MED12L: variants seen among roughly 807,000 people sequenced by gnomAD.
The protein encoded by MED12L is mediator complex subunit 12L.
In MED12L, 60 loss-of-function variants were observed where a neutral mutation model predicts 281.3. The ratio of observed to expected loss-of-function variants is 0.21; its 90% CI spans 0.17 to 0.26. The LOEUF is 0.26. Among genes scored for constraint, MED12L ranks in the 10% least tolerant of loss-of-function variants. The pLI is 1.00. For synonymous variants in MED12L, 974 were observed against 987.2 expected (o/e 0.99, Z 0.25); for missense variants, 2,146 against 2,680.9 (o/e 0.80, Z 4.41).
chr3:151,182,876 C>T (rs1051866391), intron 11 of MED12L, among the ~76,000 whole-genome samples: 1 of 152,084 alleles, frequency 6.6e-6, no homozygotes, highest in Non-Finnish European at 1.5e-5. Context: ...ATGGGTTTAG[C>T]TTGCCTCTCA....
chr3:151,151,584 G>A (rs1718519954), intron 5 of MED12L, among the ~76,000 whole-genome samples: 1 of 122,114 alleles, frequency 8.2e-6, no homozygotes, highest in African/African-American at 3.1e-5. Flanking sequence ...GAGGCCTGAA[G>A]TTGGGTGGGG....
At chr3:151,370,286 A>G (rs1471103565) in intron 26 of MED12L, among the ~76,000 whole-genome samples, 1 of 152,146 alleles carries the variant, frequency 6.6e-6, no homozygotes. Context: ...AACTTTGGGT[A>G]CCTTCTTTTG....
intron 21 of MED12L, 141 bp from the exon 22 acceptor site, chr3:151,364,838 G>A (rs1668333476): frequency 3.2e-6 from 2 of 627,626 alleles, no homozygotes; most frequent in Middle Eastern, 4.4e-4. Context: ...TTAGTAAGAA[G>A]TTCTAATTAA....
At chr3:151,258,851 CAAAAAA>C (rs63714361) in intron 16 of MED12L, among the ~76,000 whole-genome samples, 2 of 89,930 alleles carry the variant, frequency 2.2e-5, no homozygotes, top group African/African-American at 4.7e-5. Context: ...GATTCTGTCT[CAAAAAA>C]AAAAAAAAAA....
chr3:151,106,542 A>G (rs1045776942), intron 2 of MED12L, among the ~76,000 whole-genome samples: 10 of 152,060 alleles, frequency 6.6e-5, no homozygotes, highest in African/African-American at 2.4e-4. Context: ...TACTTGGTTC[A>G]CAGACCCTGC....
chr3:151,234,648 A>G (rs1390994674), intron 16 of MED12L, among the ~76,000 whole-genome samples: 1 of 152,224 alleles, frequency 6.6e-6, no homozygotes, highest in Non-Finnish European at 1.5e-5. Flanking sequence ...AAGTTCCCAG[A>G]TATGGTAATC....
At chr3:151,193,015 G>T (rs73018640) in intron 15 of MED12L, among the ~76,000 whole-genome samples, 1 of 151,872 alleles carries the variant, frequency 6.6e-6, no homozygotes, top group Non-Finnish European at 1.5e-5. Flanking sequence ...GGCCTATTAT[G>T]CATTCTTCTA....
intron 11 of MED12L, among the ~76,000 whole-genome samples, chr3:151,166,969 C>T (rs182907500): frequency 1.4e-4 from 22 of 152,246 alleles, no homozygotes; most frequent in East Asian, 3.9e-4. Context: ...CCACCGCACC[C>T]GGCCGGGACC....
chr3:151,259,867 C>T (rs1045137767), intron 16 of MED12L, among the ~76,000 whole-genome samples: 3 of 152,158 alleles, frequency 2.0e-5, no homozygotes, highest in Admixed American at 6.5e-5. Context: ...TCCTTCATGA[C>T]GTCTCTGACT....
At chr3:151,327,861 T>C in intron 16 of MED12L, 1 of 662,092 alleles carries the variant, frequency 1.5e-6, no homozygotes, top group South Asian at 2.6e-5. Context: ...TTATATAATC[T>C]TTTCTGTACA....
chr3:151,311,999 G>A (rs1032302652), intron 16 of MED12L, among the ~76,000 whole-genome samples: 1 of 152,186 alleles, frequency 6.6e-6, no homozygotes. Flanking sequence ...CCAAGATCAC[G>A]CTGTTGCACT....
intron 42 of MED12L, among the ~76,000 whole-genome samples, chr3:151,415,510 C>T (rs1228792082): frequency 1.3e-5 from 2 of 152,202 alleles, no homozygotes; most frequent in Non-Finnish European, 2.9e-5. Context: ...TGCCATATGG[C>T]AATAGCTATT....
chr3:151,413,520 AAC>A (rs752912496), intron 42 of MED12L, among the ~76,000 whole-genome samples: 7 of 152,304 alleles, frequency 4.6e-5, no homozygotes, highest in Non-Finnish European at 8.8e-5. Flanking sequence ...CGTTTTGCAG[AAC>A]ATTCTTCCCA....
intron 2 of MED12L, 110 bp from the exon 3 acceptor site, chr3:151,116,228 G>A (rs4680158): frequency 0.8 from 530,139 of 660,630 alleles, 213,228 homozygotes; most frequent in African/African-American, 0.87. Flanking sequence ...CCTTTCAAGA[G>A]TTCTCCTCTA....
At chr3:151,405,887 C>T (rs1281454883) in intron 39 of MED12L, among the ~76,000 whole-genome samples, 1 of 152,162 alleles carries the variant, frequency 6.6e-6, no homozygotes, top group African/African-American at 2.4e-5. Flanking sequence ...AATTAGAAAG[C>T]ACTTGGTAAA....
Position 151,394,837 on chromosome 3 carries a change from C to T in MED12L, c.5790C>T (p.Leu1930=). 2 of 1,614,138 alleles carry T rather than the reference C, an allele frequency of 1.2e-6. No homozygotes were observed. The highest frequency in any genetic ancestry group is 1.7e-6 in the Non-Finnish European group (2 of 1,180,036). ...AGCAGCAGCAGCAACAGCGACTTCTCAGGCAAGCCCAGACTCGGCCTTTCC... is the reference window on the plus strand; with the variant it reads ...AGCAGCAGCAGCAACAGCGACTTCTTAGGCAAGCCCAGACTCGGCCTTTCC... ...LLQQQQQQRL[L]RQAQTRPFQQ... is the part of the protein sequence containing the mutation. Residue 1930 remains leucine, a synonymous_variant, in exon 39 of 45, where the codon CTC becomes CTT. Transcript: ENST00000687756.
Position 151,372,721 on chromosome 3 carries a change from T to C in MED12L, c.3819T>C (p.Asn1273=). ...CGKSISIETA[N]LREYARYVLR... ...AAAGCATTTCCATAGAAACTGCCAA[T>C]TTAAGAGAATACGCTAGATATGTAC... is the stretch of plus-strand genomic sequence containing the variant. Residue 1273 remains asparagine (N), a synonymous_variant, in exon 27 of 45, where the codon AAT becomes AAC. Transcript: ENST00000687756. 6.2e-7 allele frequency: 1 copy of C among 1,613,906 alleles called. No homozygotes were observed. Among genetic ancestry groups the C allele is most frequent in the Non-Finnish European group, 8.5e-7 (1 of 1,179,822 alleles).
In MED12L at chr3:151,385,087, T is replaced by C; in HGVS notation, c.4984T>C (p.Leu1662=). ...SIDKVRQLLP[L]PKQTCDVITC... is the part of the protein sequence containing the mutation. The stretch of plus-strand genomic sequence containing the variant: ...TGACAAAGTTCGACAGTTACTACCT[T>C]TGCCGAAACAGACATGTGATGTCAT... Residue 1662 remains leucine (L), a synonymous_variant, in exon 36 of 45, where the codon TTG becomes CTG. Transcript: ENST00000687756. The C allele has an allele frequency of 6.2e-7, 1 of 1,612,496 alleles. No individual in the cohort carries two copies.
At chr3:151,317,692 C>T (rs542831692) in intron 16 of MED12L, among the ~76,000 whole-genome samples, 8 of 151,792 alleles carry the variant, frequency 5.3e-5, no homozygotes, top group Non-Finnish European at 8.8e-5. Flanking sequence ...CCTCATGATC[C>T]GCCCGCCTCA....
Sources: allele counts gnomAD v4.1 joint callset (sites outside exome capture counted in the v4.1 genomes callset), GRCh38; gene constraint gnomAD v4.1.1; transcripts MANE v1.5; gene names NCBI Gene and HGNC (gene_info 2026-07-23, HGNC 2026-07-21).